Variants in KCNU1 observed in about 807,000 individuals in gnomAD.
KCNU1 encodes the protein potassium calcium-activated channel subfamily U member 1.
KCNU1 carries 93 observed loss-of-function variants against 126.8 expected under a neutral mutation model. The observed-to-expected ratio is 0.73, with a 90% CI of 0.62 to 0.87. KCNU1 has a LOEUF of 0.87. Ranked by LOEUF, KCNU1 falls within the 40% of genes least tolerant of loss-of-function variation. KCNU1 has a pLI of 0.00. For missense variants in KCNU1, 1,330 were observed against 1,367.1 expected (o/e 0.97, Z 0.43); for synonymous variants, 523 against 494.2 (o/e 1.06, Z -0.77).
Position 36,932,387 on chromosome 8 carries a change from C to A in KCNU1, c.2932-533C>A, listed in dbSNP as rs1194201065. ...TTCTTTATCCTGAGGAATTACAGAA[C>A]TGTATGGATTGATCCCTTTTGATCT... On this transcript the variant is annotated intron_variant, in intron 25 of 26. Transcript: ENST00000399881. Among the ~76,000 whole-genome samples, 4 of 152,234 alleles carry A rather than the reference C, an allele frequency of 2.6e-5. No homozygotes were observed. In the South Asian group the frequency reaches 6.2e-4, roughly 24 times the overall value.
intron 2 of KCNU1, among the ~76,000 whole-genome samples, chr8:36,794,459 T>A (rs1803020003): frequency 6.6e-6 from 1 of 152,192 alleles, no homozygotes; most frequent in African/African-American, 2.4e-5. Context: ...ATAATTAATA[T>A]CTTCCTTAGC....
At chr8:36,812,952 T>C (rs1803777335) in intron 7 of KCNU1, among the ~76,000 whole-genome samples, 1 of 152,226 alleles carries the variant, frequency 6.6e-6, no homozygotes, top group Non-Finnish European at 1.5e-5. Context: ...AGGGATAATA[T>C]TGAATCCCTG....
chr8:36,815,676 C>A lies in KCNU1; in HGVS notation c.984C>A (p.Leu328=). 2 of 1,563,720 alleles carry A rather than the reference C, an allele frequency of 1.3e-6. No individual in the cohort carries two copies. Among genetic ancestry groups the A allele is most frequent in the East Asian group, 2.3e-5 (1 of 44,150 alleles). The change falls in exon 9 of 27, where the codon CTC becomes CTA. Residue 328 remains leucine (L), a synonymous_variant. Transcript: ENST00000399881. ...AATACACCAGTTCCTATGAAGCACT[C>A]AAAGGAAAGAAGTAAGTAGTGTTTT... ...KRKYTSSYEA[L]KGKKFIVVCG...
intron 19 of KCNU1, among the ~76,000 whole-genome samples, chr8:36,870,485 A>G (rs1806062533): frequency 6.6e-6 from 1 of 152,112 alleles, no homozygotes; most frequent in Non-Finnish European, 1.5e-5. Flanking sequence ...CAAACTATTC[A>G]GGCAAGAGAA....
At chr8:36,856,775 G>A (rs1035940498) in intron 18 of KCNU1, among the ~76,000 whole-genome samples, 3 of 152,164 alleles carry the variant, frequency 2.0e-5, no homozygotes, top group Admixed American at 6.6e-5. Flanking sequence ...TGGTTTCTAA[G>A]ACCAGTCTTT....
chr8:36,815,761 A>C, intron 9 of KCNU1, 74 bp downstream of exon 9: 1 of 847,478 alleles, frequency 1.2e-6, no homozygotes, highest in East Asian at 2.6e-5. Context: ...CTAGACATCT[A>C]TTGTCTGGCT....
chr8:36,869,654 T>G (rs1585486800), intron 19 of KCNU1, among the ~76,000 whole-genome samples: 1 of 152,188 alleles, frequency 6.6e-6, no homozygotes, highest in Admixed American at 6.5e-5. Context: ...TAAGCTTCAG[T>G]TTTCTCATCT....
At chr8:36,812,378 C>CAAAAAAAAAAAAAAAAAAAAAAA (rs765551359) in intron 7 of KCNU1, among the ~76,000 whole-genome samples, 1 of 83,612 alleles carries the variant, frequency 1.2e-5, no homozygotes, top group Non-Finnish European at 2.6e-5. Context: ...AGACTCCTCT[C>CAAAAAAAAAAAAAAAAAAAAAAA]AAAAAAAAAA....
intron 12 of KCNU1, 140 bp downstream of exon 12, chr8:36,835,008 T>C: frequency 1.6e-6 from 1 of 606,858 alleles, no homozygotes; most frequent in Non-Finnish European, 2.9e-6. Flanking sequence ...TTCTGCCTAC[T>C]TTTTGCCTGC....
chr8:36,840,088 G>A (rs1488109356), intron 14 of KCNU1, among the ~76,000 whole-genome samples: 4 of 152,126 alleles, frequency 2.6e-5, no homozygotes, highest in African/African-American at 9.7e-5. Flanking sequence ...AACCAATCTT[G>A]AGTAGTCATA....
chr8:36,922,909 G>A (rs372496652), intron 24 of KCNU1: 9 of 547,144 alleles, frequency 1.6e-5, no homozygotes, highest in East Asian at 4.4e-5. Context: ...CTAAGGCATC[G>A]CTGCAGACCA....
intron 12 of KCNU1, among the ~76,000 whole-genome samples, chr8:36,835,882 T>A (rs1266164332): frequency 1.3e-5 from 2 of 152,200 alleles, no homozygotes; most frequent in African/African-American, 4.8e-5. Context: ...ATGACGTAGA[T>A]CTTAGTTTCT....
intron 19 of KCNU1, among the ~76,000 whole-genome samples, chr8:36,902,852 G>T (rs1807472572): frequency 6.6e-6 from 1 of 152,048 alleles, no homozygotes; most frequent in Admixed American, 6.6e-5. Flanking sequence ...CTTGGTGTTG[G>T]AGCACATGGC....
At chr8:36,789,918 A>T (rs1249623377) in intron 2 of KCNU1, among the ~76,000 whole-genome samples, 2 of 152,240 alleles carry the variant, frequency 1.3e-5, no homozygotes, top group Admixed American at 1.3e-4. Context: ...GGCAGGGGAC[A>T]GCGAGGTCTG....
At chr8:36,864,193 C>T (rs1275021973) in intron 18 of KCNU1, among the ~76,000 whole-genome samples, 1 of 152,024 alleles carries the variant, frequency 6.6e-6, no homozygotes, top group African/African-American at 2.4e-5. Context: ...TTAAACACAC[C>T]ATATGGAACT....
Position 36,824,488 on chromosome 8 carries a change from G to A in KCNU1, c.1106+6728G>A, listed in dbSNP as rs186605916. Among the ~76,000 whole-genome samples the A allele has an allele frequency of 1.2e-4, 18 of 152,152 alleles. 1 individual carries two copies. The East Asian group carries it at 3.1e-3, about 26-fold the overall frequency. On this transcript the variant is annotated intron_variant, in intron 10 of 26. Coordinates refer to ENST00000399881, the MANE Select transcript of KCNU1 (RefSeq NM_001031836.3). Reference sequence around the variant, plus strand: ...TAGGCATGTATATATAGGAAAAATGGTACTGTATATATGGGGTTTGGTACT... The same window carrying A: ...TAGGCATGTATATATAGGAAAAATGATACTGTATATATGGGGTTTGGTACT...
chr8:36,835,242 A>G (rs541176834), intron 12 of KCNU1, among the ~76,000 whole-genome samples: 2 of 152,138 alleles, frequency 1.3e-5, no homozygotes, highest in East Asian at 3.9e-4. Context: ...AGTGCACGTT[A>G]TTTATTGGGA....
intron 23 of KCNU1, among the ~76,000 whole-genome samples, chr8:36,919,478 C>T (rs1453231695): frequency 1.4e-5 from 2 of 146,956 alleles, no homozygotes; most frequent in African/African-American, 5.0e-5. Context: ...ATGCTGTTAT[C>T]TGTCACCAAC....
At chr8:36,854,472 CT>C (rs35097649) in intron 18 of KCNU1, among the ~76,000 whole-genome samples, 1,668 of 135,380 alleles carry the variant, frequency 0.012, 20 homozygotes, top group African/African-American at 0.038. Flanking sequence ...TATGCTGATT[CT>C]TTTTTTTTTT....
Sources: gnomAD v4.1 joint callset for allele counts (sites outside exome capture counted in the v4.1 genomes callset) on GRCh38, gnomAD v4.1.1 for gene constraint, MANE v1.5 for transcripts, NCBI Gene and HGNC (gene_info 2026-07-23, HGNC 2026-07-21) for gene names.